The following RIMS1 variants were observed in gnomAD, a reference collection of about 807,000 sequenced individuals.
RIMS1 encodes regulating synaptic membrane exocytosis protein 1.
In RIMS1, 83 loss-of-function variants were observed where a neutral mutation model predicts 214.1. That is an observed-to-expected ratio of 0.39 (90% CI 0.32 to 0.47). The LOEUF is 0.47. Ranked by LOEUF, RIMS1 falls within the 20% of genes least tolerant of loss-of-function variation. The pLI is 0.99. For synonymous variants in RIMS1, 793 were observed against 786.8 expected, an observed-to-expected ratio of 1.01 and a Z score of -0.13; for missense variants, 2,050 against 2,161.8, an observed-to-expected ratio of 0.95 and a Z score of 1.03.
At chr6:72,372,520 C>CA (rs199511299) in intron 29 of RIMS1, among the ~76,000 whole-genome samples, 2 of 151,908 alleles carry the variant, frequency 1.3e-5, no homozygotes, top group African/African-American at 2.4e-5. Context: ...ATTTTCTTTC[C>CA]AAAAAATGTG....
At chr6:71,924,812 A>AAG (rs1398300120) in intron 1 of RIMS1, among the ~76,000 whole-genome samples, 1 of 150,858 alleles carries the variant, frequency 6.6e-6, no homozygotes, top group Non-Finnish European at 1.5e-5. Context: ...GTCTCCAAAA[A>AAG]AAAAAAAAAA....
chr6:72,003,104 G>T (rs983414607), intron 2 of RIMS1, among the ~76,000 whole-genome samples: 2 of 152,316 alleles, frequency 1.3e-5, no homozygotes, highest in East Asian at 3.9e-4. Flanking sequence ...AGTAGGGGAA[G>T]AGATGAGGGA....
At chr6:72,295,212 A>G (rs1015115691) in intron 26 of RIMS1, among the ~76,000 whole-genome samples, 1 of 151,786 alleles carries the variant, frequency 6.6e-6, no homozygotes, top group Non-Finnish European at 1.5e-5. Flanking sequence ...CTTCAGAAAT[A>G]CAGAAACAGG....
At chr6:72,050,535 T>C (rs1037845332) in intron 2 of RIMS1, among the ~76,000 whole-genome samples, 1 of 152,186 alleles carries the variant, frequency 6.6e-6, no homozygotes, top group South Asian at 2.1e-4. Flanking sequence ...GGCCCAGACC[T>C]GTGGTGGAGG....
chr6:72,379,886 A>G (rs571092986), intron 29 of RIMS1, among the ~76,000 whole-genome samples: 2 of 152,330 alleles, frequency 1.3e-5, no homozygotes, highest in South Asian at 4.1e-4. Context: ...TCCACTTGGA[A>G]TATTAGTCTG....
At chr6:72,116,307 C>CAGATGTTGGGGGAAG (rs1376179843) in intron 4 of RIMS1, among the ~76,000 whole-genome samples, 1 of 151,914 alleles carries the variant, frequency 6.6e-6, no homozygotes, top group East Asian at 1.9e-4. Context: ...TGTGTAAGTA[C>CAGATGTTGGGGGAAG]AGATGTTGGG....
At chr6:72,233,113 GTT>G (rs2062654807) in intron 6 of RIMS1, among the ~76,000 whole-genome samples, 1 of 151,768 alleles carries the variant, frequency 6.6e-6, no homozygotes, top group Admixed American at 6.6e-5. Context: ...TTCCATTGAA[GTT>G]TTTTCAGTTT....
At chr6:72,277,760 G>A (rs893396170) in intron 23 of RIMS1, among the ~76,000 whole-genome samples, 1 of 151,912 alleles carries the variant, frequency 6.6e-6, no homozygotes, top group Non-Finnish European at 1.5e-5. Context: ...CAATAACAAA[G>A]CATCTCTTTA....
At chr6:71,950,005 C>G (rs1229675047) in intron 1 of RIMS1, among the ~76,000 whole-genome samples, 1 of 152,086 alleles carries the variant, frequency 6.6e-6, no homozygotes, top group Non-Finnish European at 1.5e-5. Context: ...ATGGTAAATC[C>G]ATAAGGTAGA....
intron 1 of RIMS1, among the ~76,000 whole-genome samples, chr6:71,911,966 G>C (rs62407749): frequency 6.6e-6 from 1 of 152,088 alleles, no homozygotes; most frequent in Non-Finnish European, 1.5e-5. Flanking sequence ...AGGAGAAAAT[G>C]CTTTCCCCTC....
chr6:72,275,152 A>G lies in RIMS1; in HGVS notation c.3482+720A>G, dbSNP rs1437138633. On this transcript the variant is annotated intron_variant, in intron 23 of 33. Transcript: ENST00000521978. ...TATATATATATATATATATATATAT[A>G]TATATATATATATATATATATATAT... Among the ~76,000 whole-genome samples, 9 of 47,556 alleles carry G rather than the reference A, an allele frequency of 1.9e-4. 2 individuals carry two copies. The highest frequency in any genetic ancestry group is 1.2e-3 in the East Asian group (3 of 2,608). The allele number at this position is 47,556 out of a possible 152,430, so 31.2% of individuals were successfully genotyped here.
At chr6:72,300,090 G>A (rs2094472362) in intron 26 of RIMS1, among the ~76,000 whole-genome samples, 1 of 151,084 alleles carries the variant, frequency 6.6e-6, no homozygotes, top group South Asian at 2.1e-4. Context: ...TCTTTTTTTG[G>A]CACAATCTCA....
At chr6:72,167,452 T>C (rs1562479345) in intron 4 of RIMS1, among the ~76,000 whole-genome samples, 1 of 152,126 alleles carries the variant, frequency 6.6e-6, no homozygotes. Flanking sequence ...ATAAAGTGAG[T>C]TCAGAAGCGA....
chr6:72,324,246 A>T (rs1430128284), intron 28 of RIMS1, among the ~76,000 whole-genome samples: 7 of 152,030 alleles, frequency 4.6e-5, no homozygotes, highest in African/African-American at 1.7e-4. Context: ...TAGTTAAAAC[A>T]TATGTAGACG....
intron 2 of RIMS1, among the ~76,000 whole-genome samples, chr6:72,064,005 G>A (rs531293961): frequency 1.4e-4 from 21 of 152,158 alleles, no homozygotes; most frequent in Non-Finnish European, 2.1e-4. Flanking sequence ...AAGGAGTCCA[G>A]TCATATTAAA....
intron 2 of RIMS1, among the ~76,000 whole-genome samples, chr6:71,995,177 CAGAG>C (rs958764400): frequency 1.3e-5 from 2 of 152,058 alleles, no homozygotes; most frequent in African/African-American, 2.4e-5. Context: ...TTATAAAAAA[CAGAG>C]AGAAGTTGAA....
chr6:72,384,625 G>A (rs1450752849), intron 29 of RIMS1, among the ~76,000 whole-genome samples: 1 of 152,044 alleles, frequency 6.6e-6, no homozygotes, highest in African/African-American at 2.4e-5. Flanking sequence ...CTAACTGTGG[G>A]AATATTCCAA....
chr6:72,380,451 C>T (rs2154418866), intron 29 of RIMS1, among the ~76,000 whole-genome samples: 1 of 152,220 alleles, frequency 6.6e-6, no homozygotes, highest in South Asian at 2.1e-4. Flanking sequence ...AGGCTTCAAC[C>T]TGAAGTATTA....
chr6:71,987,429 G>A (rs991098760), intron 2 of RIMS1, among the ~76,000 whole-genome samples: 38 of 152,164 alleles, frequency 2.5e-4, no homozygotes, highest in African/African-American at 8.7e-4. Context: ...AAACTCTCTT[G>A]TGTCTCCTCT....
Sources: gnomAD v4.1 joint callset for allele counts (sites outside exome capture counted in the v4.1 genomes callset) on GRCh38, gnomAD v4.1.1 for gene constraint, MANE v1.5 for transcripts, NCBI Gene and HGNC (gene_info 2026-07-23, HGNC 2026-07-21) for gene names.